The following MGAT4B variants were observed in gnomAD, a reference collection of about 807,000 sequenced individuals.
The protein encoded by MGAT4B is alpha-1,3-mannosyl-glycoprotein 4-beta-N-acetylglucosaminyltransferase B.
Under a neutral mutation model 73.9 loss-of-function variants are expected in MGAT4B, and 38 were observed. The observed-to-expected ratio is 0.51, with a 90% CI of 0.40 to 0.67. The LOEUF is 0.67. MGAT4B is among the 30% of genes least tolerant of loss of function. MGAT4B has a pLI of 0.00. For synonymous variants in MGAT4B, 373 were observed against 313.5 expected, an observed-to-expected ratio of 1.19 and a Z score of -2.01; for missense variants, 686 against 735.2, an observed-to-expected ratio of 0.93 and a Z score of 0.77.
chr5:179,806,763 C>T lies in MGAT4B; in HGVS notation c.-180G>A, dbSNP rs1429096792. ...GGGCCAGGGAGCGCGCCGGCCGCCC[C>T]TCAGGGCGCAAGCTTTGTGCCCTGT... On this transcript the variant is annotated 5_prime_UTR_variant, in exon 1 of 15. Transcript: ENST00000292591. This position sits in a 1 kb window ranked among gnomAD's most constrained non-coding sequence, Gnocchi z 4.6. 6.7e-6 allele frequency: 1 copy of T among 149,810 alleles called. No homozygotes were observed. Among genetic ancestry groups the T allele is most frequent in the East Asian group, 2.0e-4 (1 of 5,110 alleles). 9.3% of individuals were successfully genotyped at this position (149,810 alleles called of 1,614,324 possible). A position where few individuals can be genotyped will look rare whatever the true frequency, so the allele number is the denominator to read the frequency against.
rs781043093 is a variant in MGAT4B at position 179,806,560 on chromosome 5, G to A, written c.24C>T (p.Phe8=). The change falls in exon 1 of 15, where the codon TTC becomes TTT. Residue 8 remains phenylalanine (F), a synonymous_variant. Transcript: ENST00000292591. The surrounding 1 kb of genome is among the most constrained non-coding windows in gnomAD (Gnocchi z 4.6). ...ACAGGCAGAAGAGCAGCAGCGTCAG[G>A]AAGGTGCCATTGCGGAGCCTCATCT... MRLRNGT[F]LTLLLFCLCA... is the part of the protein sequence containing the mutation. 9 of 1,311,684 alleles carry A rather than the reference G, an allele frequency of 6.9e-6. No homozygotes were observed. The South Asian group carries it at 1.2e-4, about 17-fold the overall frequency. 81.3% of individuals were successfully genotyped at this position (1,311,684 alleles called of 1,614,324 possible).
rs767539133 is a variant in MGAT4B at position 179,801,709 on chromosome 5, A to G, written c.284-15T>C. 1.2e-6 allele frequency: 2 copies of G among 1,605,890 alleles called. No homozygotes were observed. The highest frequency in any genetic ancestry group is 1.7e-6 in the Non-Finnish European group (2 of 1,177,542). On this transcript the variant is annotated splice_polypyrimidine_tract_variant and intron_variant, in intron 2 of 14. Coordinates refer to ENST00000292591, the MANE Select transcript of MGAT4B (RefSeq NM_014275.5). The surrounding 1 kb of genome is among the most constrained non-coding windows in gnomAD (Gnocchi z 4.8). ...TCGGGGGTCCTCTGGGTGGGTCGGG[A>G]AGGATCGGGACTGAGACCAGGGAAC...
At chr5:179,805,929 G>A (rs1052257548) in intron 1 of MGAT4B, among the ~76,000 whole-genome samples, 22 of 152,140 alleles carry the variant, frequency 1.4e-4, no homozygotes, top group Non-Finnish European at 7.4e-5. Context: ...GGACGGGCTG[G>A]GGCCGCACGG....
intron 6 of MGAT4B, 96 bp from the exon 7 acceptor site, chr5:179,800,355 C>A: frequency 6.8e-7 from 1 of 1,479,362 alleles, no homozygotes; most frequent in Non-Finnish European, 9.4e-7. Flanking sequence ...TGTCCCCCCA[C>A]CCCCATGCAC....
Position 179,798,393 on chromosome 5 carries a change from G to A in MGAT4B, c.1464C>T (p.Thr488=), listed in dbSNP as rs368655234. Residue 488 remains threonine, a synonymous_variant, in exon 13 of 15, where the codon ACC becomes ACT. Coordinates refer to ENST00000292591, the MANE Select transcript of MGAT4B (RefSeq NM_014275.5). The part of the protein sequence containing the change: ...SDKEALQEGR[T]ATLRYPRSPD... ...GGCTCCGAGGGTACCGGAGGGTGGC[G>A]GTGCGGCCCTCCTGCAGGGCCTCCT... 1.1e-5 allele frequency: 18 copies of A among 1,612,626 alleles called. No individual in the cohort carries two copies. Among genetic ancestry groups the A allele is most frequent in the Middle Eastern group, 3.3e-4 (2 of 6,084 alleles).
chr5:179,800,094 G>C, intron 7 of MGAT4B, 26 bp from the exon 8 acceptor site: 1 of 1,612,216 alleles, frequency 6.2e-7, no homozygotes, highest in Non-Finnish European at 8.5e-7. Flanking sequence ...AGAGGGGCTG[G>C]GGCTGAGGAA....
rs1756780870 is a variant in MGAT4B, at chr5:179,798,931, T to A, written c.1340A>T (p.Glu447Val). The A allele has an allele frequency of 6.2e-7, 1 of 1,613,310 alleles. No homozygotes were observed. The highest frequency in any genetic ancestry group is 1.3e-5 in the African/African-American group (1 of 74,918). The change falls in exon 11 of 15, where the codon GAG (glutamate) becomes GTG (valine). Residue 447 changes from glutamate (E) to valine (V), a missense_variant. Glu to Val is a moderately radical substitution (Grantham distance 121). Around this residue, in one of 2 missense-constraint regions of MGAT4B, gnomAD observed 449 missense variants for 536.8 expected, o/e 0.84. Transcript: ENST00000292591. Reference protein sequence around the residue: ...RFRFFQPLRLERFFFRSGNIE... With the variant: ...RFRFFQPLRLVRFFFRSGNIE... ...GACCCATGGTGCTGGCACTGACCGC[T>A]CCAGTCTTAGAGGTTGGAAGAAGCG...
chr5:179,800,332 G>A, intron 6 of MGAT4B, 73 bp from the exon 7 acceptor site: 2 of 1,556,452 alleles, frequency 1.3e-6, no homozygotes, highest in Non-Finnish European at 8.9e-7. Context: ...GAAGCCGCTG[G>A]GTGGGCAGCT....
chr5:179,801,293 T>C lies in MGAT4B; in HGVS notation c.558+41A>G. 2 of 1,578,902 alleles carry C rather than the reference T, an allele frequency of 1.3e-6. No homozygotes were observed. The highest frequency in any genetic ancestry group is 1.7e-6 in the Non-Finnish European group (2 of 1,158,344). On this transcript the variant is annotated intron_variant, in intron 4 of 14. Coordinates refer to ENST00000292591, the MANE Select transcript of MGAT4B (RefSeq NM_014275.5). This position sits in a 1 kb window ranked among gnomAD's most constrained non-coding sequence, Gnocchi z 4.8. ...GCTGTCAGTTCTGCACCGCGGGGGCTCCTCTGAATGTCCCCCAACCCCGCG... is the reference window on the plus strand; with the variant it reads ...GCTGTCAGTTCTGCACCGCGGGGGCCCCTCTGAATGTCCCCCAACCCCGCG...
Position 179,799,941 on chromosome 5 carries a change from G to A in MGAT4B, c.910+13C>T, listed in dbSNP as rs376967038. ...GGACTGAAAGGCACCGTCAGGTAAG[G>A]GGAGGGGCACACCAATGAAGCCCAG... On this transcript the variant is annotated intron_variant, in intron 8 of 14. Transcript: ENST00000292591. 1.2e-6 allele frequency: 2 copies of A among 1,601,274 alleles called. No individual in the cohort carries two copies. The highest frequency in any genetic ancestry group is 1.1e-5 in the South Asian group (1 of 90,756).
rs1249374215 is a variant in MGAT4B at position 179,801,325 on chromosome 5, C to T, written c.558+9G>A. On this transcript the variant is annotated intron_variant, in intron 4 of 14. Coordinates refer to ENST00000292591, the MANE Select transcript of MGAT4B (RefSeq NM_014275.5). This position sits in a 1 kb window ranked among gnomAD's most constrained non-coding sequence, Gnocchi z 4.8. ...AATGTCCCCCAACCCCGCGTCCCGG[C>T]TCACTCGCCTCGGCGATCAGCACCA... is the stretch of plus-strand genomic sequence containing the variant. The T allele has an allele frequency of 2.5e-6, 4 of 1,605,450 alleles. No homozygotes were observed. The highest frequency in any genetic ancestry group is 2.6e-6 in the Non-Finnish European group (3 of 1,174,636).
chr5:179,798,135 C>T (rs762647419), intron 14 of MGAT4B, 30 bp downstream of exon 14: 10 of 1,591,196 alleles, frequency 6.3e-6, no homozygotes, highest in East Asian at 4.6e-5. Flanking sequence ...GGCTGCTCCC[C>T]GTGCCTGGCC....
In MGAT4B at chr5:179,806,424, G is replaced by C. The variant is rs1463333917; in HGVS notation, c.97+63C>G. 9.4e-7 allele frequency: 1 copy of C among 1,062,706 alleles called. No homozygotes were observed. The highest frequency in any genetic ancestry group is 1.7e-5 in the African/African-American group (1 of 58,550). The allele number at this position is 1,062,706 out of a possible 1,614,324, so 65.8% of individuals were successfully genotyped here. On this transcript the variant is annotated intron_variant, in intron 1 of 14. Transcript: ENST00000292591. The surrounding 1 kb of genome is among the most constrained non-coding windows in gnomAD (Gnocchi z 4.6). ...CGGCCGCCTTCCGCGGCCACCGCCG[G>C]GCCCGCTCCCGCCGCCGACGCCCAG... is the stretch of plus-strand genomic sequence containing the variant.
chr5:179,797,812 G>C lies in MGAT4B; in HGVS notation c.*233C>G. 3.8e-6 allele frequency: 2 copies of C among 531,606 alleles called. No homozygotes were observed. The highest frequency in any genetic ancestry group is 3.2e-6 in the Non-Finnish European group (1 of 307,898). The allele number at this position is 531,606 out of a possible 1,614,324, so 32.9% of individuals were successfully genotyped here. A position where few individuals can be genotyped will look rare whatever the true frequency, so the allele number is the denominator to read the frequency against. ...GGGCAGGCCGGGTGCGAACGGTTCC[G>C]GGCCTCAGGCACAGTGTGGGGGCCG... is the stretch of plus-strand genomic sequence containing the variant. On this transcript the variant is annotated 3_prime_UTR_variant, in exon 15 of 15. Transcript: ENST00000292591.
chr5:179,801,236 C>G lies in MGAT4B; in HGVS notation c.558+98G>C. On this transcript the variant is annotated intron_variant, in intron 4 of 14. Transcript: ENST00000292591. The surrounding 1 kb of genome is among the most constrained non-coding windows in gnomAD (Gnocchi z 4.8). ...TTTGCGAATGAAACTAGCAACTGAACTTCCGACAGCTTTCTCCTCGGAATG... is the reference window on the plus strand; with the variant it reads ...TTTGCGAATGAAACTAGCAACTGAAGTTCCGACAGCTTTCTCCTCGGAATG... 1 of 1,448,882 alleles carries G rather than the reference C, an allele frequency of 6.9e-7. No individual in the cohort carries two copies. The highest frequency in any genetic ancestry group is 2.4e-5 in the East Asian group (1 of 41,026). The allele number at this position is 1,448,882 out of a possible 1,614,324, so 89.8% of individuals were successfully genotyped here.
Position 179,801,942 on chromosome 5 carries a change from T to G in MGAT4B, c.125A>C (p.Glu42Ala). ...KGDVVDVYQR[E>A]FLALRDRLHA... ...CAACCGATCGCGCAGCGCCAGGAAC[T>G]CCCGCTGGTAAACGTCCACAACGTC... The change falls in exon 2 of 15, where the codon GAG becomes GCG. Residue 42 changes from glutamate (E) to alanine (A), a missense_variant. Around this residue, in one of 2 missense-constraint regions of MGAT4B, gnomAD observed 237 missense variants for 198.5 expected, o/e 1.19. Coordinates refer to ENST00000292591, the MANE Select transcript of MGAT4B (RefSeq NM_014275.5). The surrounding 1 kb of genome is among the most constrained non-coding windows in gnomAD (Gnocchi z 4.8). 6.2e-7 allele frequency: 1 copy of G among 1,613,246 alleles called. No homozygotes were observed. Among genetic ancestry groups the G allele is most frequent in the Non-Finnish European group, 8.5e-7 (1 of 1,179,980 alleles).
chr5:179,805,991 TCC>T lies in MGAT4B; in HGVS notation c.97+494_97+495del, dbSNP rs1161078220. ...GCCTCAGGACGCCTCCCTCCCTCCCTCCCTCCCTCCCACAGGCCGGATGCTGC... is the reference window on the plus strand; with the variant it reads ...GCCTCAGGACGCCTCCCTCCCTCCCTCTCCCTCCCACAGGCCGGATGCTGC... On this transcript the variant is annotated intron_variant, in intron 1 of 14. Coordinates refer to ENST00000292591, the MANE Select transcript of MGAT4B (RefSeq NM_014275.5). 5.3e-3 allele frequency among the ~76,000 whole-genome samples: 757 copies of T among 142,540 alleles called. 5 individuals are homozygous for T. The highest frequency in any genetic ancestry group is 0.018 in the African/African-American group (731 of 39,558). The allele number at this position is 142,540 out of a possible 152,430, so 93.5% of individuals were successfully genotyped here.
In MGAT4B at chr5:179,801,694, T is replaced by C. The variant is rs140808334; in HGVS notation, c.284A>G (p.Glu95Gly). Residue 95 changes from glutamate to glycine, a missense_variant and splice_region_variant, in exon 3 of 15, where the codon GAG becomes GGG. Physicochemically the swap from Glu to Gly is moderately conservative, Grantham distance 98. Around this residue, in one of 2 missense-constraint regions of MGAT4B, gnomAD observed 237 missense variants for 198.5 expected, o/e 1.19. Coordinates refer to ENST00000292591, the MANE Select transcript of MGAT4B (RefSeq NM_014275.5). The surrounding 1 kb of genome is among the most constrained non-coding windows in gnomAD (Gnocchi z 4.8). ...DGNRTWGRLT[E>G]DPRLKPWNGS... Reference sequence around the variant, plus strand: ...GTTCCACGGCTTCAATCGGGGGTCCTCTGGGTGGGTCGGGAAGGATCGGGA... The same window carrying C: ...GTTCCACGGCTTCAATCGGGGGTCCCCTGGGTGGGTCGGGAAGGATCGGGA... 3.0e-3 allele frequency: 4,804 copies of C among 1,608,142 alleles called. 19 individuals carry two copies. Among genetic ancestry groups the C allele is most frequent in the Non-Finnish European group, 3.3e-3 (3,833 of 1,178,604 alleles).
intron 1 of MGAT4B, chr5:179,802,296 G>A (rs554904485): frequency 7.1e-7 from 1 of 1,404,258 alleles, no homozygotes; most frequent in African/African-American, 1.4e-5. Flanking sequence ...AACAGCCTCA[G>A]ACTGAATCCG....
Sources: gnomAD v4.1 joint callset for allele counts (sites outside exome capture counted in the v4.1 genomes callset) on GRCh38, gnomAD v4.1.1 for gene constraint, gnomAD v4.1.1 regional missense constraint, Gnocchi (gnomAD v3.1) non-coding constraint, MANE v1.5 for transcripts, NCBI Gene and HGNC (gene_info 2026-07-23, HGNC 2026-07-21) for gene names.